The following CEMIP variants were observed in gnomAD, a reference collection of about 807,000 sequenced individuals.
CEMIP encodes the protein cell migration inducing hyaluronidase 1, also known as cell migration-inducing and hyaluronan-binding protein.
A neutral mutation model predicts 156.9 loss-of-function variants in CEMIP; 105 were observed. The ratio of observed to expected loss-of-function variants is 0.67; its 90% confidence interval spans 0.57 to 0.79. The LOEUF is 0.79. CEMIP is among the 30% of genes least tolerant of loss of function. The probability of loss-of-function intolerance (pLI) is 0.00; values close to 1 mark genes in which losing one functional copy is unlikely to be tolerated. For missense variants in CEMIP, 1,457 were observed against 1,769.4 expected (o/e 0.82, Z 3.17); for synonymous variants, 676 against 668.4 (o/e 1.01, Z -0.17).
chr15:80,917,133 G>A (rs1900304442), intron 14 of CEMIP, among the ~76,000 whole-genome samples: 1 of 152,182 alleles, frequency 6.6e-6, no homozygotes, highest in African/African-American at 2.4e-5. Flanking sequence ...TCCTTTCAAT[G>A]AGGCTTTTTC....
At chr15:80,801,441 G>A (rs568973760) in intron 1 of CEMIP, among the ~76,000 whole-genome samples, 86 of 152,308 alleles carry the variant, frequency 5.6e-4, no homozygotes, top group African/African-American at 2.0e-3. Context: ...GTTTGTTCTC[G>A]AGGTGACTGA....
At position 80,906,938 on chromosome 15, in the gene CEMIP, C is replaced by T; in HGVS notation, c.1587+100C>T. On this transcript the variant is annotated intron_variant, in intron 13 of 29. Transcript: ENST00000394685. The surrounding 1 kb of genome is among the most constrained non-coding windows in gnomAD (Gnocchi z 4.3). ...CTTGGTAGGGATGAGGGTGGGGGAA[C>T]AGGAGGTGGGATCAAGGGGAGGGCG... is the stretch of plus-strand genomic sequence containing the variant. 6 of 1,346,050 alleles carry T rather than the reference C, an allele frequency of 4.5e-6. No homozygotes were observed. The highest frequency in any genetic ancestry group is 6.2e-6 in the Non-Finnish European group (6 of 963,012). The allele number at this position is 1,346,050 out of a possible 1,614,324, so 83.4% of individuals were successfully genotyped here.
intron 1 of CEMIP, among the ~76,000 whole-genome samples, chr15:80,825,285 C>T (rs183423622): frequency 8.5e-5 from 13 of 152,258 alleles, no homozygotes; most frequent in Admixed American, 2.6e-4. Context: ...TTTAATAACT[C>T]ACAACAAACC....
At chr15:80,936,648 T>C (rs760586124) in intron 23 of CEMIP, 26 bp from the exon 24 acceptor site, 19 of 1,582,870 alleles carry the variant, frequency 1.2e-5, no homozygotes, top group Non-Finnish European at 1.6e-5. Context: ...AGCCTCATTG[T>C]GTGTTTCCTT....
chr15:80,795,745 G>A (rs1307303320), intron 1 of CEMIP, among the ~76,000 whole-genome samples: 2 of 152,116 alleles, frequency 1.3e-5, no homozygotes, highest in East Asian at 3.9e-4. Context: ...GCCAGCCTGG[G>A]CAACACAGCA....
At chr15:80,914,247 G>T (rs538528705) in intron 14 of CEMIP, among the ~76,000 whole-genome samples, 9 of 152,194 alleles carry the variant, frequency 5.9e-5, no homozygotes, top group Admixed American at 1.3e-4. Context: ...CAGTACTTTT[G>T]TGGAAGGACA....
At chr15:80,913,711 C>A (rs1222240106) in intron 14 of CEMIP, among the ~76,000 whole-genome samples, 1 of 152,198 alleles carries the variant, frequency 6.6e-6, no homozygotes, top group African/African-American at 2.4e-5. Context: ...TAACTGTGTT[C>A]TGTGTAAACA....
chr15:80,812,169 G>A (rs1417650267), intron 1 of CEMIP, among the ~76,000 whole-genome samples: 1 of 152,070 alleles, frequency 6.6e-6, no homozygotes, highest in Non-Finnish European at 1.5e-5. Flanking sequence ...GCATGACACC[G>A]GGCTGGCTTG....
chr15:80,810,843 T>G (rs200551766), intron 1 of CEMIP, among the ~76,000 whole-genome samples: 1 of 129,136 alleles, frequency 7.7e-6, no homozygotes, highest in East Asian at 2.4e-4. Context: ...CATCCATCCA[T>G]CCAACCAGCC....
chr15:80,937,849 C>A lies in CEMIP; in HGVS notation c.3277C>A (p.Leu1093Ile), dbSNP rs1338902757. ...CCCGCGAGGCACCACATTCTCCATCCTCTCGGATGTTCACAATCGCCTGCT... is the reference window on the plus strand; with the variant it reads ...CCCGCGAGGCACCACATTCTCCATCATCTCGGATGTTCACAATCGCCTGCT... ...CYPRGTTFSI[L>I]SDVHNRLLKQ... Residue 1093 changes from leucine (L) to isoleucine (I), a missense_variant, in exon 25 of 30, where the codon CTC (leucine) becomes ATC (isoleucine). Coordinates refer to ENST00000394685, the MANE Select transcript of CEMIP (RefSeq NM_001293298.2). The A allele has an allele frequency of 3.1e-6, 5 of 1,614,272 alleles. No individual in the cohort carries two copies. In the African/African-American group the frequency reaches 5.3e-5, roughly 17 times the overall value.
At position 80,932,830 on chromosome 15, in the gene CEMIP, G is replaced by GT. The variant is rs1900972968; in HGVS notation, c.2794-414dup. On this transcript the variant is annotated intron_variant, in intron 22 of 29. Coordinates refer to ENST00000394685, the MANE Select transcript of CEMIP (RefSeq NM_001293298.2). This position sits in a 1 kb window ranked among gnomAD's most constrained non-coding sequence, Gnocchi z 4.5. Reference sequence around the variant, plus strand: ...TTCTCTCGCACACGGATGCCCCCGTGTATGTGTGTGTGTATGTGTAAAAGT... The same window carrying GT: ...TTCTCTCGCACACGGATGCCCCCGTGTTATGTGTGTGTGTATGTGTAAAAGT... 6.6e-6 allele frequency among the ~76,000 whole-genome samples: 1 copy of GT among 152,114 alleles called. No homozygotes were observed. The highest frequency in any genetic ancestry group is 1.5e-5 in the Non-Finnish European group (1 of 68,048).
chr15:80,936,347 C>T (rs561970307), intron 23 of CEMIP, among the ~76,000 whole-genome samples: 3 of 152,304 alleles, frequency 2.0e-5, no homozygotes, highest in East Asian at 1.9e-4. Context: ...CTTCCTCCTC[C>T]GTCCACATCT....
rs369747774 is a variant in CEMIP, at chr15:80,869,869, G to A, written c.-175-3669G>A. ...AAGGCACAGAGAGATTGAATGGGCT[G>A]CCAGAGGTCACACAGCTGATGAGAG... On this transcript the variant is annotated intron_variant, in intron 1 of 29. Coordinates refer to ENST00000394685, the MANE Select transcript of CEMIP (RefSeq NM_001293298.2). 2.2e-4 allele frequency among the ~76,000 whole-genome samples: 33 copies of A among 152,236 alleles called. 1 individual carries two copies. The East Asian group carries it at 5.4e-3, about 25-fold the overall frequency.
At chr15:80,909,551 G>T in intron 14 of CEMIP, 2 of 586,830 alleles carry the variant, frequency 3.4e-6, no homozygotes, top group African/African-American at 1.8e-5. Context: ...TGGTTTCTGG[G>T]AGTCCAGTTT....
At chr15:80,913,846 C>A (rs1256349852) in intron 14 of CEMIP, among the ~76,000 whole-genome samples, 1 of 152,196 alleles carries the variant, frequency 6.6e-6, no homozygotes, top group Non-Finnish European at 1.5e-5. Context: ...ATTCACGATG[C>A]GTGCTAGCAG....
chr15:80,852,397 T>TTTTGTGTG (rs1897735779), intron 1 of CEMIP, among the ~76,000 whole-genome samples: 1 of 148,606 alleles, frequency 6.7e-6, no homozygotes, highest in Non-Finnish European at 1.5e-5. Context: ...TGTGTGTGTG[T>TTTTGTGTG]TTTTTTTTTA....
In CEMIP at chr15:80,878,750, G is replaced by T; in HGVS notation, c.124G>T (p.Glu42Ter). The change falls in exon 4 of 30, where the codon GAG (glutamate) becomes TAG (stop). Residue 42 changes from glutamate to a stop codon, truncating the protein, a stop_gained. Coordinates refer to ENST00000394685, the MANE Select transcript of CEMIP (RefSeq NM_001293298.2). LOFTEE classifies it high-confidence loss of function. Reference protein sequence around the residue: ...VAAGCPDQSPELQPWNPGHDQ... With the variant: ...VAAGCPDQSP ...TGCTGGGTGCCCTGACCAGAGCCCT[G>T]AGTTGCAACCCTGGAACCCTGGCCA... 6.2e-7 allele frequency: 1 copy of T among 1,614,160 alleles called. No homozygotes were observed. The highest frequency in any genetic ancestry group is 8.5e-7 in the Non-Finnish European group (1 of 1,180,040).
chr15:80,927,532 T>C (rs1297774824), intron 19 of CEMIP, among the ~76,000 whole-genome samples: 1 of 152,142 alleles, frequency 6.6e-6, no homozygotes, highest in Middle Eastern at 3.2e-3. Context: ...AGAGTTTAGG[T>C]CCCTTAAGAG....
intron 29 of CEMIP, 135 bp from the exon 30 acceptor site, chr15:80,948,662 C>T: frequency 8.4e-7 from 1 of 1,194,124 alleles, no homozygotes; most frequent in Non-Finnish European, 1.2e-6. Context: ...GAGCTCTTCC[C>T]AAGGGGCCAC....
Sources: gnomAD v4.1 joint callset for allele counts (sites outside exome capture counted in the v4.1 genomes callset) on GRCh38, gnomAD v4.1.1 for gene constraint, Gnocchi (gnomAD v3.1) non-coding constraint, MANE v1.5 for transcripts, NCBI Gene and HGNC (gene_info 2026-07-23, HGNC 2026-07-21) for gene names.